The following GRB10 variants were observed in gnomAD, a reference collection of about 807,000 sequenced individuals.
The protein encoded by GRB10 is growth factor receptor-bound protein 10.
Under a neutral mutation model 80.9 loss-of-function variants are expected in GRB10, and 20 were observed. The observed-to-expected ratio is 0.25, with a 90% CI of 0.17 to 0.36. The LOEUF (loss-of-function observed/expected upper bound fraction) is 0.36. Ranked by LOEUF, GRB10 falls within the 10% of genes least tolerant of loss-of-function variation. The pLI, the probability that GRB10 is intolerant of heterozygous loss-of-function variation, is 1.00. For synonymous variants in GRB10, 291 were observed against 291.5 expected (o/e 1.00, Z 0.02); for missense variants, 548 against 747.7 (o/e 0.73, Z 3.12).
chr7:50,648,079 G>A (rs1337605981), intron 7 of GRB10, among the ~76,000 whole-genome samples: 2 of 152,224 alleles, frequency 1.3e-5, no homozygotes, highest in South Asian at 4.1e-4. Context: ...AAACCGGGGA[G>A]TAATCAACAT....
At chr7:50,768,102 A>G (rs2076550981) in intron 2 of GRB10, among the ~76,000 whole-genome samples, 1 of 151,928 alleles carries the variant, frequency 6.6e-6, no homozygotes, top group Non-Finnish European at 1.5e-5. Context: ...ACCTCTCCCA[A>G]CACCCCCAGC....
chr7:50,720,378 T>G (rs1450488942), intron 4 of GRB10, among the ~76,000 whole-genome samples: 1 of 152,156 alleles, frequency 6.6e-6, no homozygotes, highest in African/African-American at 2.4e-5. Flanking sequence ...ACTGCTAAAG[T>G]GACAGTATTG....
intron 4 of GRB10, chr7:50,726,007 A>C (rs140980266): frequency 3.1e-4 from 47 of 152,448 alleles, no homozygotes; most frequent in African/African-American, 1.1e-3. Context: ...ACCTTGGGCA[A>C]CTTACCAATA....
intron 3 of GRB10, among the ~76,000 whole-genome samples, chr7:50,735,717 T>G (rs535155087): frequency 6.6e-6 from 1 of 152,264 alleles, no homozygotes; most frequent in Admixed American, 6.5e-5. Context: ...CTAGACAGAT[T>G]TAAAAAATTT....
Position 50,683,144 on chromosome 7 carries a change from C to A in GRB10, c.140-8486G>T, listed in dbSNP as rs530806971. On this transcript the variant is annotated intron_variant, in intron 5 of 18. Coordinates refer to ENST00000401949, the MANE Select transcript of GRB10 (RefSeq NM_001350814.2). ...CACACAATGGAATATTATTCAGCCA[C>A]AAAAAAGGAAGGTGCCTCTGAAACG... 4.6e-5 allele frequency among the ~76,000 whole-genome samples: 7 copies of A among 152,052 alleles called. No individual in the cohort carries two copies. The East Asian group carries it at 1.4e-3, about 29-fold the overall frequency.
Position 50,619,259 on chromosome 7 carries a change from C to A in GRB10, c.688G>T (p.Val230Leu). 3 of 1,612,474 alleles carry A rather than the reference C, an allele frequency of 1.9e-6. No individual in the cohort carries two copies. The highest frequency in any genetic ancestry group is 2.5e-6 in the Non-Finnish European group (3 of 1,179,066). ...GCCATGGTACTCTCCACCTGGACCA[C>A]CAGCTCATGGTCTTCCAAGCACCTC... ...LERCLEDHEL[V>L]VQVESTMASE... Residue 230 changes from valine to leucine, a missense_variant, in exon 9 of 19, where the codon GTG becomes TTG. By Grantham distance (32) the Val-to-Leu change is conservative (BLOSUM62 1). Around this residue, in one of 4 missense-constraint regions of GRB10, gnomAD observed 270 missense variants for 433.6 expected, o/e 0.62. Coordinates refer to ENST00000401949, the MANE Select transcript of GRB10 (RefSeq NM_001350814.2).
intron 2 of GRB10, among the ~76,000 whole-genome samples, chr7:50,760,784 T>C (rs2075681377): frequency 6.6e-6 from 1 of 152,200 alleles, no homozygotes; most frequent in Admixed American, 6.5e-5. Context: ...GTGTCTTCAC[T>C]CCACAATCGA....
intron 7 of GRB10, among the ~76,000 whole-genome samples, chr7:50,649,746 T>C (rs767426257): frequency 6.6e-5 from 10 of 151,898 alleles, no homozygotes; most frequent in African/African-American, 1.7e-4. Context: ...ATGGGACACA[T>C]TGGAGAGGGA....
chr7:50,626,017 A>G (rs1328733351), intron 8 of GRB10, among the ~76,000 whole-genome samples: 1 of 152,260 alleles, frequency 6.6e-6, no homozygotes, highest in Non-Finnish European at 1.5e-5. Context: ...TGGAACAAAT[A>G]TAGCTGTTGA....
intron 7 of GRB10, among the ~76,000 whole-genome samples, chr7:50,629,474 C>G (rs1357768459): frequency 2.0e-5 from 3 of 152,134 alleles, no homozygotes; most frequent in Non-Finnish European, 2.9e-5. Context: ...GAGTCAGACA[C>G]AAAGGCAGGC....
intron 3 of GRB10, among the ~76,000 whole-genome samples, chr7:50,737,171 A>T (rs1278938078): frequency 6.6e-6 from 1 of 152,254 alleles, no homozygotes; most frequent in Non-Finnish European, 1.5e-5. Context: ...TATAAATGAT[A>T]TGGTTTGGCT....
At chr7:50,785,859 C>T (rs573068283), upstream of GRB10, among the ~76,000 whole-genome samples, 1 of 152,234 alleles carries the variant, frequency 6.6e-6, no homozygotes, top group South Asian at 2.1e-4. Context: ...TTAATATCTA[C>T]AAATGAGATA....
intron 4 of GRB10, among the ~76,000 whole-genome samples, chr7:50,725,380 C>A (rs180906076): frequency 6.6e-6 from 1 of 152,142 alleles, no homozygotes; most frequent in Non-Finnish European, 1.5e-5. Flanking sequence ...GTACAGGCTG[C>A]GGAACTATGA....
intron 2 of GRB10, among the ~76,000 whole-genome samples, chr7:50,780,098 G>A (rs1163447086): frequency 6.6e-6 from 1 of 152,150 alleles, no homozygotes; most frequent in Non-Finnish European, 1.5e-5. Flanking sequence ...GCCGTGAGAG[G>A]AACAAAGCCC....
At chr7:50,740,280 C>T (rs1224564512) in intron 3 of GRB10, among the ~76,000 whole-genome samples, 1 of 152,170 alleles carries the variant, frequency 6.6e-6, no homozygotes, top group Non-Finnish European at 1.5e-5. Context: ...GTATCTTCTC[C>T]ATGGCAACAA....
rs949417563 is a variant in GRB10 at position 50,782,869 on chromosome 7, C to T, written c.-772G>A. ...GGAGCGGGAGGACGACGGAGCAGCGCCCGGTCCTGGAGCACAACAGGAATC... is the reference window on the plus strand; with the variant it reads ...GGAGCGGGAGGACGACGGAGCAGCGTCCGGTCCTGGAGCACAACAGGAATC... On this transcript the variant is annotated 5_prime_UTR_variant, in exon 1 of 19. Coordinates refer to ENST00000401949, the MANE Select transcript of GRB10 (RefSeq NM_001350814.2). The surrounding 1 kb of genome is among the most constrained non-coding windows in gnomAD (Gnocchi z 6.6). 1 of 152,166 alleles carries T rather than the reference C, an allele frequency of 6.6e-6. No individual in the cohort carries two copies. The highest frequency in any genetic ancestry group is 1.5e-5 in the Non-Finnish European group (1 of 68,028). 9.4% of individuals were successfully genotyped at this position (152,166 alleles called of 1,614,324 possible). A position where few individuals can be genotyped will look rare whatever the true frequency, so the allele number is the denominator to read the frequency against.
At chr7:50,664,180 C>T (rs990464410) in intron 7 of GRB10, among the ~76,000 whole-genome samples, 3 of 152,308 alleles carry the variant, frequency 2.0e-5, no homozygotes, top group African/African-American at 7.2e-5. Flanking sequence ...TGACACCCTC[C>T]TCACACAGCA....
At chr7:50,735,053 T>A (rs555114444) in intron 3 of GRB10, among the ~76,000 whole-genome samples, 1 of 152,328 alleles carries the variant, frequency 6.6e-6, no homozygotes, top group South Asian at 2.1e-4. Context: ...TAATCTTATA[T>A]GTAAAAACCC....
intron 4 of GRB10, among the ~76,000 whole-genome samples, chr7:50,730,290 A>AGC (rs2069447431): frequency 6.6e-6 from 1 of 152,222 alleles, no homozygotes; most frequent in African/African-American, 2.4e-5. Context: ...TCAGTGACTC[A>AGC]CGGACTGAAC....
Sources: gnomAD v4.1 joint callset for allele counts (sites outside exome capture counted in the v4.1 genomes callset) on GRCh38, gnomAD v4.1.1 for gene constraint, gnomAD v4.1.1 regional missense constraint, Gnocchi (gnomAD v3.1) non-coding constraint, MANE v1.5 for transcripts, NCBI Gene and HGNC (gene_info 2026-07-23, HGNC 2026-07-21) for gene names.